The following MAP2K6 variants were observed in gnomAD, a reference collection of about 807,000 sequenced individuals.
MAP2K6 encodes mitogen-activated protein kinase kinase 6, also known as dual specificity mitogen-activated protein kinase kinase 6.
Under a neutral mutation model 53.7 loss-of-function variants are expected in MAP2K6, and 16 were observed. That is an observed-to-expected ratio of 0.30 (90% confidence interval 0.20 to 0.45). MAP2K6 has a LOEUF of 0.45. MAP2K6 is among the 20% of genes least tolerant of loss of function. MAP2K6 has a pLI of 1.00. For missense variants in MAP2K6, 204 were observed against 411.9 expected (o/e 0.50, Z 4.37); for synonymous variants, 132 against 143.1 (o/e 0.92, Z 0.55).
chr17:69,525,369 A>G (rs1447929102), intron 9 of MAP2K6, among the ~76,000 whole-genome samples: 2 of 152,182 alleles, frequency 1.3e-5, no homozygotes, highest in South Asian at 4.1e-4. Flanking sequence ...GTGAACCCTG[A>G]TAGGGCCGTG....
intron 1 of MAP2K6, chr17:69,502,782 T>G: frequency 1.2e-6 from 1 of 846,252 alleles, no homozygotes. Context: ...CTTGGAAGAC[T>G]TTACTATTAT....
intron 1 of MAP2K6, among the ~76,000 whole-genome samples, chr17:69,448,529 TG>T (rs1907058309): frequency 6.6e-6 from 1 of 152,120 alleles, no homozygotes; most frequent in African/African-American, 2.4e-5. Flanking sequence ...TGCCCATCAC[TG>T]CCTTGGCCTC....
At chr17:69,523,899 A>C (rs1484150877) in intron 8 of MAP2K6, among the ~76,000 whole-genome samples, 1 of 152,220 alleles carries the variant, frequency 6.6e-6, no homozygotes, top group Non-Finnish European at 1.5e-5. Context: ...TTTATCTCTC[A>C]CAGTTTTGGA....
At chr17:69,449,541 CTTTCTTTCTTTCTTTCTTTATT>C (rs1907111399) in intron 1 of MAP2K6, among the ~76,000 whole-genome samples, 1 of 99,472 alleles carries the variant, frequency 1.0e-5, no homozygotes, top group South Asian at 3.1e-4. Flanking sequence ...GTCTTTCTTT[CTTTCTTTCTTTCTTTCTTTATT>C]TCTTTCTTTC....
chr17:69,496,869 C>A (rs1908974331), intron 1 of MAP2K6, among the ~76,000 whole-genome samples: 1 of 152,156 alleles, frequency 6.6e-6, no homozygotes, highest in Admixed American at 6.5e-5. Flanking sequence ...CCTTTCCCCA[C>A]TGGCCACCCC....
At chr17:69,490,299 A>T (rs1376476839) in intron 1 of MAP2K6, among the ~76,000 whole-genome samples, 9 of 152,150 alleles carry the variant, frequency 5.9e-5, no homozygotes, top group Non-Finnish European at 1.2e-4. Flanking sequence ...CATTCTTTAT[A>T]GTTTGCAGTT....
At chr17:69,529,703 G>T (rs1356196735) in intron 10 of MAP2K6, among the ~76,000 whole-genome samples, 1 of 151,714 alleles carries the variant, frequency 6.6e-6, no homozygotes, top group Non-Finnish European at 1.5e-5. Context: ...GTAAAGACGG[G>T]GTTTCACCGT....
chr17:69,468,549 G>C (rs1907885243), intron 1 of MAP2K6, among the ~76,000 whole-genome samples: 1 of 152,230 alleles, frequency 6.6e-6, no homozygotes, highest in African/African-American at 2.4e-5. Context: ...AGGATTTGAG[G>C]TGGAGGATGA....
intron 1 of MAP2K6, among the ~76,000 whole-genome samples, chr17:69,479,552 G>T (rs1199013953): frequency 6.6e-6 from 1 of 151,832 alleles, no homozygotes; most frequent in Non-Finnish European, 1.5e-5. Flanking sequence ...AAACACTTCT[G>T]GTCCCAAGCA....
At position 69,525,077 on chromosome 17, in the gene MAP2K6, T is replaced by C. The variant is rs1009637020; in HGVS notation, c.741+99T>C. The C allele has an allele frequency of 1.2e-5, 12 of 965,812 alleles. No homozygotes were observed. The Admixed American group carries it at 2.2e-4, about 18-fold the overall frequency. The allele number at this position is 965,812 out of a possible 1,614,324, so 59.8% of individuals were successfully genotyped here. A position where few individuals can be genotyped will look rare whatever the true frequency, so the allele number is the denominator to read the frequency against. Reference sequence around the variant, plus strand: ...AGAAACAAATGCCCTAAATGCTGGTTTGGGGCGCCCTCTCCTGCTGAGCTG... The same window carrying C: ...AGAAACAAATGCCCTAAATGCTGGTCTGGGGCGCCCTCTCCTGCTGAGCTG... On this transcript the variant is annotated intron_variant, in intron 9 of 11. Transcript: ENST00000590474.
chr17:69,442,192 C>T (rs1364992462), intron 1 of MAP2K6, among the ~76,000 whole-genome samples: 4 of 152,276 alleles, frequency 2.6e-5, no homozygotes, highest in Admixed American at 2.6e-4. Context: ...TTTGATTATT[C>T]CTTCTGTTAC....
chr17:69,478,115 A>C (rs1908216810), intron 1 of MAP2K6, among the ~76,000 whole-genome samples: 1 of 152,332 alleles, frequency 6.6e-6, no homozygotes, highest in South Asian at 2.1e-4. Context: ...GTTATTTCTT[A>C]GGAGTGGACA....
In MAP2K6 at chr17:69,523,584, C is replaced by G. The variant is rs1199952757; in HGVS notation, c.606C>G (p.Gly202=). 6.2e-7 allele frequency: 1 copy of G among 1,613,926 alleles called. No homozygotes were observed. Among genetic ancestry groups the G allele is most frequent in the African/African-American group, 1.3e-5 (1 of 74,918 alleles). ...AGATGTGCGATTTTGGAATCAGTGG[C>G]TACTTGGTGGACTCTGTTGCTAAAA... is the stretch of plus-strand genomic sequence containing the variant. ...QVKMCDFGIS[G]YLVDSVAKTI... is the part of the protein sequence containing the mutation. Residue 202 remains glycine, a synonymous_variant, in exon 8 of 12, where the codon GGC becomes GGG. Coordinates refer to ENST00000590474, the MANE Select transcript of MAP2K6 (RefSeq NM_002758.4).
At chr17:69,526,205 A>T (rs965724522) in intron 9 of MAP2K6, among the ~76,000 whole-genome samples, 3 of 152,202 alleles carry the variant, frequency 2.0e-5, no homozygotes, top group Non-Finnish European at 4.4e-5. Context: ...CTCTGGAAAG[A>T]TCTTAGGCTG....
At chr17:69,531,638 A>G (rs749634094) in intron 10 of MAP2K6, among the ~76,000 whole-genome samples, 22 of 152,342 alleles carry the variant, frequency 1.4e-4, no homozygotes, top group Non-Finnish European at 2.4e-4. Context: ...GACAAATGTT[A>G]TCTTGAAGGA....
intron 2 of MAP2K6, among the ~76,000 whole-genome samples, chr17:69,512,372 C>T (rs1005307680): frequency 8.7e-6 from 1 of 115,194 alleles, no homozygotes; most frequent in Non-Finnish European, 1.7e-5. Context: ...CAGAGTCTCA[C>T]TGTGTTGCCC....
chr17:69,534,296 A>G (rs1450208041), intron 10 of MAP2K6, among the ~76,000 whole-genome samples: 2 of 152,152 alleles, frequency 1.3e-5, no homozygotes, highest in Non-Finnish European at 2.9e-5. Flanking sequence ...ACACATTCCC[A>G]TATCAATCAG....
chr17:69,519,642 G>A, intron 5 of MAP2K6: 1 of 530,986 alleles, frequency 1.9e-6, no homozygotes, highest in South Asian at 2.6e-5. Flanking sequence ...TTTTTAAGAT[G>A]TGGAGTTTCT....
intron 11 of MAP2K6, 56 bp from the exon 12 acceptor site, chr17:69,541,620 C>A: frequency 7.7e-7 from 1 of 1,298,388 alleles, no homozygotes; most frequent in South Asian, 1.2e-5. Flanking sequence ...TTGCTAATCT[C>A]ATATATTGAT....
Sources: allele counts gnomAD v4.1 joint callset (sites outside exome capture counted in the v4.1 genomes callset), GRCh38; gene constraint gnomAD v4.1.1; transcripts MANE v1.5; gene names NCBI Gene and HGNC (gene_info 2026-07-23, HGNC 2026-07-21).